The following CTU1 variants were observed in gnomAD, a reference collection of about 807,000 sequenced individuals.
CTU1 encodes the protein cytosolic thiouridylase subunit 1, also known as cytoplasmic tRNA 2-thiolation protein 1.
Under a neutral mutation model 12.9 loss-of-function variants are expected in CTU1, and 15 were observed. The observed-to-expected ratio is 1.16, with a 90% CI of 0.78 to 1.79. The LOEUF (loss-of-function observed/expected upper bound fraction) is 1.79, where lower values mean the gene tolerates loss of function less well. CTU1 is among the 40% of genes most tolerant of loss of function. CTU1 has a pLI of 0.00. For synonymous variants in CTU1, 295 were observed against 275.6 expected (o/e 1.07, Z -0.70); for missense variants, 553 against 550.5 (o/e 1.00, Z -0.05).
Position 51,104,566 on chromosome 19 carries a change from G to A in CTU1, c.4C>T (p.Pro2Ser). The A allele has an allele frequency of 1.6e-6, 2 of 1,251,430 alleles. No individual in the cohort carries two copies. Among genetic ancestry groups the A allele is most frequent in the Non-Finnish European group, 2.0e-6 (2 of 997,042 alleles). 77.5% of individuals were successfully genotyped at this position (1,251,430 alleles called of 1,614,324 possible). Residue 2 changes from proline (P) to serine (S), a missense_variant, in exon 2 of 3, where the codon CCC becomes TCC. Physicochemically the swap from Pro to Ser is moderately conservative, Grantham distance 74. Transcript: ENST00000421832. ...TGGCAGGAGGCGCACGGCGGGGCGGGCATTGCGGGAGGGGTCGGCTTCTCC... is the reference window on the plus strand; with the variant it reads ...TGGCAGGAGGCGCACGGCGGGGCGGACATTGCGGGAGGGGTCGGCTTCTCC... M[P>S]APPCASCHAA...
At chr19:51,107,228 A>G (rs973615582) in intron 1 of CTU1, among the ~76,000 whole-genome samples, 1 of 152,310 alleles carries the variant, frequency 6.6e-6, no homozygotes, top group Non-Finnish European at 1.5e-5. Flanking sequence ...TTTGAACAGT[A>G]AAGTGGTATG....
At chr19:51,102,595 T>A (rs1395012391) in intron 2 of CTU1, among the ~76,000 whole-genome samples, 1 of 152,240 alleles carries the variant, frequency 6.6e-6, no homozygotes, top group Non-Finnish European at 1.5e-5. Context: ...ACTGGTCTCC[T>A]CGGCTTTGTC....
In CTU1 at chr19:51,097,678, C is replaced by CGGGGGGGTT. The variant is rs1204952875; in HGVS notation, c.*922_*923insAACCCCCCC. The CGGGGGGGTT allele has an allele frequency of 1.3e-4, 1 of 7,548 alleles. No individual in the cohort carries two copies. Among genetic ancestry groups the CGGGGGGGTT allele is most frequent in the African/African-American group, 1.6e-4 (1 of 6,430 alleles). The allele number at this position is 7,548 out of a possible 1,614,324, so 0.5% of individuals were successfully genotyped here. ...ATTTCCTCCCAGTGGTGCCTTGATG[C>CGGGGGGGTT]GGGGGGGATGGGGGGGCGGGGGGGA... On this transcript the variant is annotated 3_prime_UTR_variant, in exon 3 of 3. Coordinates refer to ENST00000421832, the MANE Select transcript of CTU1 (RefSeq NM_145232.4).
chr19:51,104,491 CGCACAGCGCTTG>C lies in CTU1; in HGVS notation c.67_78del (p.Gln23_Cys26del). 7.6e-7 allele frequency: 1 copy of C among 1,311,288 alleles called. No homozygotes were observed. The allele number at this position is 1,311,288 out of a possible 1,614,324, so 81.2% of individuals were successfully genotyped here. On this transcript the variant is annotated inframe_deletion, in exon 2 of 3. Transcript: ENST00000421832. ...TCGAAGGCGGCGCAGAAGCAGGCAC[CGCACAGCGCTTG>C]GCCCGAGAGCGGACGGCGGAGGGCG...
At position 51,104,370 on chromosome 19, in the gene CTU1, AGCACCG is replaced by A; in HGVS notation, c.194_199del (p.Thr65_Leu67delinsMet). 7.3e-7 allele frequency: 1 copy of A among 1,378,992 alleles called. No individual in the cohort carries two copies. Among genetic ancestry groups the A allele is most frequent in the Non-Finnish European group, 9.3e-7 (1 of 1,071,318 alleles). 85.4% of individuals were successfully genotyped at this position (1,378,992 alleles called of 1,614,324 possible). Reference sequence around the variant, plus strand: ...CGCCAGCGCGCGCAGCACGTGCGCCAGCACCGTGGAGTCCTTGCCGCCCGAGGCGCC... The same window carrying A: ...CGCCAGCGCGCGCAGCACGTGCGCCATGGAGTCCTTGCCGCCCGAGGCGCC... On this transcript the variant is annotated inframe_deletion, in exon 2 of 3. Transcript: ENST00000421832.
rs1003990850 is a variant in CTU1, at chr19:51,104,439, G to C, written c.131C>G (p.Ala44Gly). The change falls in exon 2 of 3, where the codon GCC (alanine) becomes GGC (glycine). Residue 44 changes from alanine to glycine, a missense_variant. By Grantham distance (60) the Ala-to-Gly change is moderately conservative (BLOSUM62 0). Transcript: ENST00000421832. ...CGCGCCGGGCGGCAGCAGGCGGCCG[G>C]CGAGCACCGTGTGCAGCACCTCGGC... ...FEAEVLHTVL[A>G]GRLLPPGAVV... 4.0e-6 allele frequency: 5 copies of C among 1,249,762 alleles called. No individual in the cohort carries two copies. The highest frequency in any genetic ancestry group is 5.0e-6 in the Non-Finnish European group (5 of 995,626). 77.4% of individuals were successfully genotyped at this position (1,249,762 alleles called of 1,614,324 possible).
intron 1 of CTU1, among the ~76,000 whole-genome samples, chr19:51,107,931 G>A (rs1363328291): frequency 6.6e-6 from 1 of 152,182 alleles, no homozygotes; most frequent in Non-Finnish European, 1.5e-5. Flanking sequence ...GACAGGGTTG[G>A]TCTGGTGCCC....
rs1374648951 is a variant in CTU1 at position 51,098,617 on chromosome 19, G to A, written c.1031C>T (p.Ala344Val). 5.5e-5 allele frequency: 72 copies of A among 1,308,050 alleles called. No homozygotes were observed. Among genetic ancestry groups the A allele is most frequent in the Non-Finnish European group, 6.1e-5 (63 of 1,027,448 alleles). 81.0% of individuals were successfully genotyped at this position (1,308,050 alleles called of 1,614,324 possible). A position where few individuals can be genotyped will look rare whatever the true frequency, so the allele number is the denominator to read the frequency against. The change falls in exon 3 of 3, where the codon GCC (alanine) becomes GTC (valine). Residue 344 changes from alanine (A) to valine (V), a missense_variant. Transcript: ENST00000421832. The surrounding 1 kb of genome is among the most constrained non-coding windows in gnomAD (Gnocchi z 4.3). ...CCGAAGTCGCTAGAAGGTGGGGACG[G>A]CCTTGGAGGCGGGGGGCCGGGCCGG... Reference protein sequence around the residue: ...GDPARPPASKAVPTF With the variant: ...GDPARPPASKVVPTF
chr19:51,104,172 C>T lies in CTU1; in HGVS notation c.398G>A (p.Ser133Asn). The T allele has an allele frequency of 1.3e-6, 2 of 1,521,866 alleles. No homozygotes were observed. Among genetic ancestry groups the T allele is most frequent in the East Asian group, 2.6e-5 (1 of 38,846 alleles). The allele number at this position is 1,521,866 out of a possible 1,614,324, so 94.3% of individuals were successfully genotyped here. The change falls in exon 2 of 3, where the codon AGC (serine) becomes AAC (asparagine). Residue 133 changes from serine (S) to asparagine (N), a missense_variant. This residue lies in a region of CTU1 where 500 missense variants were observed against 458.5 expected (regional missense o/e 1.09). Coordinates refer to ENST00000421832, the MANE Select transcript of CTU1 (RefSeq NM_145232.4). ...GCGGCTGCGGCCGGAGCCGGCTGTGCTGCGGGCCACGGCGTCCATCGTCCA... is the reference window on the plus strand; with the variant it reads ...GCGGCTGCGGCCGGAGCCGGCTGTGTTGCGGGCCACGGCGTCCATCGTCCA... ...GGWTMDAVAR[S>N]TAGSGRSRSC...
chr19:51,100,208 G>A (rs778747596), intron 2 of CTU1, among the ~76,000 whole-genome samples: 1 of 151,986 alleles, frequency 6.6e-6, no homozygotes, highest in Non-Finnish European at 1.5e-5. Flanking sequence ...GGGAACTTGG[G>A]GATACCTCAT....
At chr19:51,103,381 C>T (rs1184412029) in intron 2 of CTU1, among the ~76,000 whole-genome samples, 1 of 152,028 alleles carries the variant, frequency 6.6e-6, no homozygotes, top group East Asian at 1.9e-4. Context: ...GTCAGGAGAT[C>T]GAGATCATCC....
At position 51,099,063 on chromosome 19, in the gene CTU1, G is replaced by C. The variant is rs1191680701; in HGVS notation, c.585C>G (p.Gly195=). ...CCTCGCCGGGAGAGCCCAGGCCCCC[G>C]CCCCGGGCCAGCCGCCCCGCGTCGC... is the stretch of plus-strand genomic sequence containing the variant. The part of the protein sequence containing the change: ...LRGDAGRLAR[G]GGLGSPGEGG... Residue 195 remains glycine (G), a synonymous_variant, in exon 3 of 3, where the codon GGC becomes GGG. Transcript: ENST00000421832. 6.6e-7 allele frequency: 1 copy of C among 1,518,480 alleles called. No homozygotes were observed. The highest frequency in any genetic ancestry group is 8.8e-7 in the Non-Finnish European group (1 of 1,138,830). The allele number at this position is 1,518,480 out of a possible 1,614,324, so 94.1% of individuals were successfully genotyped here.
intron 2 of CTU1, among the ~76,000 whole-genome samples, chr19:51,100,408 G>A (rs1214951086): frequency 6.6e-6 from 1 of 152,096 alleles, no homozygotes; most frequent in Non-Finnish European, 1.5e-5. Flanking sequence ...CCACGAGTTT[G>A]AGACCAGCCT....
At chr19:51,107,078 G>A (rs993610171) in intron 1 of CTU1, among the ~76,000 whole-genome samples, 4 of 152,124 alleles carry the variant, frequency 2.6e-5, no homozygotes, top group African/African-American at 9.7e-5. Context: ...TAAATCTACA[G>A]TCACCCAGTC....
intron 1 of CTU1, among the ~76,000 whole-genome samples, chr19:51,106,138 T>C (rs1233298163): frequency 6.6e-6 from 1 of 152,224 alleles, no homozygotes; most frequent in African/African-American, 2.4e-5. Flanking sequence ...TAACTGCTAA[T>C]GGCCGATGAG....
intron 2 of CTU1, among the ~76,000 whole-genome samples, chr19:51,102,335 T>A (rs760380032): frequency 6.6e-6 from 1 of 152,214 alleles, no homozygotes; most frequent in African/African-American, 2.4e-5. Context: ...CACTGTCTGC[T>A]CTTGTATGGT....
Position 51,098,807 on chromosome 19 carries a change from G to T in CTU1, c.841C>A (p.Pro281Thr). 6 of 1,048,258 alleles carry T rather than the reference G, an allele frequency of 5.7e-6. No homozygotes were observed. Among genetic ancestry groups the T allele is most frequent in the Non-Finnish European group, 6.9e-6 (6 of 871,076 alleles). 64.9% of individuals were successfully genotyped at this position (1,048,258 alleles called of 1,614,324 possible). A position where few individuals can be genotyped will look rare whatever the true frequency, so the allele number is the denominator to read the frequency against. Residue 281 changes from proline (P) to threonine (T), a missense_variant, in exon 3 of 3, where the codon CCC (proline) becomes ACC (threonine). Around this residue, in one of 2 missense-constraint regions of CTU1, gnomAD observed 500 missense variants for 458.5 expected, o/e 1.09. Coordinates refer to ENST00000421832, the MANE Select transcript of CTU1 (RefSeq NM_145232.4). The surrounding 1 kb of genome is among the most constrained non-coding windows in gnomAD (Gnocchi z 4.3). ...ERLALAPAAR[P>T]PRPGACSRCG... Reference sequence around the variant, plus strand: ...CGGGAGCAGGCGCCGGGGCGCGGGGGCCGCGCGGCCGGGGCCAGCGCCAGG... The same window carrying T: ...CGGGAGCAGGCGCCGGGGCGCGGGGTCCGCGCGGCCGGGGCCAGCGCCAGG...
chr19:51,098,679 A>C lies in CTU1; in HGVS notation c.969T>G (p.Gly323=), dbSNP rs538130812. The C allele has an allele frequency of 1.9e-5, 25 of 1,295,220 alleles. No individual in the cohort carries two copies. The South Asian group carries it at 4.4e-4, about 23-fold the overall frequency. 80.2% of individuals were successfully genotyped at this position (1,295,220 alleles called of 1,614,324 possible). A position where few individuals can be genotyped will look rare whatever the true frequency, so the allele number is the denominator to read the frequency against. The part of the protein sequence containing the change: ...PRLAIGKGRR[G]LDEEATPGTP... Reference sequence around the variant, plus strand: ...TCCCCGGCGTCGCCTCCTCGTCCAGACCCCGGCGGCCCTTGCCGATGGCCA... The same window carrying C: ...TCCCCGGCGTCGCCTCCTCGTCCAGCCCCCGGCGGCCCTTGCCGATGGCCA... The change falls in exon 3 of 3, where the codon GGT becomes GGG. Residue 323 remains glycine, a synonymous_variant. Coordinates refer to ENST00000421832, the MANE Select transcript of CTU1 (RefSeq NM_145232.4). This position sits in a 1 kb window ranked among gnomAD's most constrained non-coding sequence, Gnocchi z 4.3.
chr19:51,102,971 A>G (rs1050845467), intron 2 of CTU1, among the ~76,000 whole-genome samples: 1 of 152,252 alleles, frequency 6.6e-6, no homozygotes, highest in African/African-American at 2.4e-5. Context: ...TATAATGTTT[A>G]TAATTTTGTA....
Sources: gnomAD v4.1 joint callset for allele counts (sites outside exome capture counted in the v4.1 genomes callset) on GRCh38, gnomAD v4.1.1 for gene constraint, gnomAD v4.1.1 regional missense constraint, Gnocchi (gnomAD v3.1) non-coding constraint, MANE v1.5 for transcripts, NCBI Gene and HGNC (gene_info 2026-07-23, HGNC 2026-07-21) for gene names.